Variants in ROBO2 observed in about 807,000 individuals in gnomAD.
The protein encoded by ROBO2 is roundabout homolog 2.
A neutral mutation model predicts 160.8 loss-of-function variants in ROBO2; 53 were observed. The ratio of observed to expected loss-of-function variants is 0.33; its 90% confidence interval spans 0.26 to 0.41. The LOEUF (loss-of-function observed/expected upper bound fraction) is 0.41, where lower values mean the gene tolerates loss of function less well. Ranked by LOEUF, ROBO2 falls within the 10% of genes least tolerant of loss-of-function variation. The probability of loss-of-function intolerance (pLI) is 1.00; values close to 1 mark genes in which losing one functional copy is unlikely to be tolerated. For synonymous variants in ROBO2, 664 were observed against 611.7 expected (o/e 1.09, Z -1.26); for missense variants, 1,577 against 1,722.4 (o/e 0.92, Z 1.49).
rs188429107 is a variant in ROBO2 at position 76,086,233 on chromosome 3, A to C, written c.109+148631A>C. 4.4e-3 allele frequency among the ~76,000 whole-genome samples: 669 copies of C among 152,272 alleles called. 2 individuals carry two copies. The highest frequency in any genetic ancestry group is 7.2e-3 in the Non-Finnish European group (489 of 68,016). On this transcript the variant is annotated intron_variant, in intron 2 of 26. Coordinates refer to the ROBO2 transcript ENST00000487694. The stretch of plus-strand genomic sequence containing the variant: ...CTTTCTTCATGTGGTGGCAGCAAGA[A>C]GTGAAAGCGAAGCGGAGGAAAAGCC...
intron 2 of ROBO2, among the ~76,000 whole-genome samples, chr3:75,973,212 A>G (rs966502687): frequency 9.9e-5 from 15 of 151,692 alleles, no homozygotes; most frequent in African/African-American, 3.1e-4. Context: ...GGACTATAAG[A>G]TGGATAACTA....
At position 76,894,662 on chromosome 3, in the gene ROBO2, T is replaced by C. The variant is rs115357294; in HGVS notation, c.110-203352T>C. Among the ~76,000 whole-genome samples the C allele has an allele frequency of 4.3e-3, 648 of 152,254 alleles. 6 individuals carry two copies. The highest frequency in any genetic ancestry group is 0.015 in the African/African-American group (626 of 41,574). ...ATCATAGTTCTCATTTGAGTAGTTG[T>C]AGGCCTCTCAATTGCTTCCTAAGTA... On this transcript the variant is annotated intron_variant, in intron 2 of 26. Transcript: ENST00000487694.
chr3:76,804,149 C>G (rs922770771), intron 2 of ROBO2, among the ~76,000 whole-genome samples: 29 of 152,216 alleles, frequency 1.9e-4, no homozygotes, highest in African/African-American at 6.3e-4. Flanking sequence ...TAAAAGTAAA[C>G]AAATGAGAGA....
intron 24 of ROBO2, among the ~76,000 whole-genome samples, chr3:77,640,413 C>T (rs1049067154): frequency 6.6e-6 from 1 of 152,110 alleles, no homozygotes; most frequent in Admixed American, 6.5e-5. Context: ...TGCGCCCGGC[C>T]GCATATTTTA....
intron 2 of ROBO2, among the ~76,000 whole-genome samples, chr3:76,654,449 A>C (rs923154349): frequency 1.3e-5 from 2 of 152,216 alleles, no homozygotes; most frequent in Non-Finnish European, 2.9e-5. Flanking sequence ...ATTACAGAAC[A>C]TGTTTTAATC....
intron 16 of ROBO2, 56 bp downstream of exon 17, chr3:77,580,174 T>A: frequency 1.3e-6 from 2 of 1,554,450 alleles, no homozygotes; most frequent in East Asian, 2.2e-5. Flanking sequence ...ACAAGGTGGA[T>A]GATGATTTTG....
At chr3:76,893,277 A>G (rs1010164374) in intron 2 of ROBO2, among the ~76,000 whole-genome samples, 1 of 150,650 alleles carries the variant, frequency 6.6e-6, no homozygotes, top group African/African-American at 2.5e-5. Context: ...GGATAAAACA[A>G]GAAAAAAAAA....
intron 2 of ROBO2, among the ~76,000 whole-genome samples, chr3:76,429,940 C>CAAAGGA (rs2076369483): frequency 6.6e-6 from 1 of 151,948 alleles, no homozygotes; most frequent in Non-Finnish European, 1.5e-5. Context: ...GAACAGCAAT[C>CAAAGGA]AAAGGAACAA....
At chr3:77,223,374 C>T (rs528620289) in intron 2 of ROBO2, among the ~76,000 whole-genome samples, 1 of 151,942 alleles carries the variant, frequency 6.6e-6, no homozygotes, top group East Asian at 1.9e-4. Flanking sequence ...ATATGGTTAA[C>T]TTATTTTCCT....
At chr3:76,793,646 T>G (rs569762907) in intron 2 of ROBO2, among the ~76,000 whole-genome samples, 2 of 151,946 alleles carry the variant, frequency 1.3e-5, no homozygotes, top group African/African-American at 4.8e-5. Flanking sequence ...ATGTGCACAA[T>G]GTGCAGGTTT....
At chr3:76,344,031 C>A (rs2074382604) in intron 2 of ROBO2, among the ~76,000 whole-genome samples, 1 of 151,990 alleles carries the variant, frequency 6.6e-6, no homozygotes, top group South Asian at 2.1e-4. Flanking sequence ...TCCAGCTCTT[C>A]TTTTCTCTTT....
chr3:77,609,709 ATTAT>A (rs2094588910), intron 21 of ROBO2, among the ~76,000 whole-genome samples: 1 of 151,108 alleles, frequency 6.6e-6, no homozygotes, highest in Admixed American at 6.6e-5. Context: ...GCAAATTTTT[ATTAT>A]TTAACACAAA....
At chr3:77,458,832 T>A (rs1298782559) in intron 2 of ROBO2, among the ~76,000 whole-genome samples, 1 of 152,198 alleles carries the variant, frequency 6.6e-6, no homozygotes, top group African/African-American at 2.4e-5. Context: ...ATGCCTGTTA[T>A]ATCTTATTTC....
intron 2 of ROBO2, among the ~76,000 whole-genome samples, chr3:76,070,741 C>A (rs1268779945): frequency 2.0e-5 from 3 of 152,088 alleles, no homozygotes; most frequent in African/African-American, 4.8e-5. Flanking sequence ...ATGTCTCCCC[C>A]AGACGCCCAG....
At chr3:77,002,542 G>A (rs1356572356) in intron 2 of ROBO2, among the ~76,000 whole-genome samples, 1 of 151,808 alleles carries the variant, frequency 6.6e-6, no homozygotes, top group African/African-American at 2.4e-5. Flanking sequence ...TAAAAACATA[G>A]TCATGATTCT....
At chr3:76,640,596 A>AGTGTGTGT (rs59208285) in intron 2 of ROBO2, among the ~76,000 whole-genome samples, 166 of 147,140 alleles carry the variant, frequency 1.1e-3, no homozygotes, top group Middle Eastern at 3.5e-3. Context: ...TTTGCGTGTG[A>AGTGTGTGT]GTGTGTGTGT....
At chr3:76,559,373 A>ATGCATTGCAACGCAGTGG (rs2084010414) in intron 2 of ROBO2, among the ~76,000 whole-genome samples, 3 of 152,238 alleles carry the variant, frequency 2.0e-5, no homozygotes, top group Admixed American at 6.5e-5. Flanking sequence ...AATTTAGATC[A>ATGCATTGCAACGCAGTGG]TGCATTGCAA....
At chr3:77,398,225 A>G (rs28378063) in intron 2 of ROBO2, among the ~76,000 whole-genome samples, 57,718 of 151,922 alleles carry the variant, frequency 0.38, 11,356 homozygotes, top group East Asian at 0.47. Context: ...AGGAAAACCA[A>G]AAGAGAGGAT....
At chr3:76,482,033 T>C (rs1488168263) in intron 2 of ROBO2, among the ~76,000 whole-genome samples, 1 of 151,518 alleles carries the variant, frequency 6.6e-6, no homozygotes, top group Middle Eastern at 3.2e-3. Context: ...CCAACCAGAG[T>C]TGGCCTCATA....
Sources: allele counts gnomAD v4.1 joint callset (sites outside exome capture counted in the v4.1 genomes callset), GRCh38; gene constraint gnomAD v4.1.1; transcripts MANE v1.5; gene names NCBI Gene and HGNC (gene_info 2026-07-23, HGNC 2026-07-21).